PCDH11X: variants seen among roughly 807,000 people sequenced by gnomAD.
PCDH11X encodes the protein protocadherin-11 X-linked.
PCDH11X carries 18 observed loss-of-function variants against 53.3 expected under a neutral mutation model. The ratio of observed to expected loss-of-function variants is 0.34; its 90% confidence interval spans 0.23 to 0.50. The LOEUF is 0.50. Among genes scored for constraint, PCDH11X ranks in the 20% least tolerant of loss-of-function variants. The pLI, the probability that PCDH11X is intolerant of heterozygous loss-of-function variation, is 0.98. For missense variants in PCDH11X, 570 were observed against 1,032.4 expected (o/e 0.55, Z 6.14); for synonymous variants, 279 against 393.3 (o/e 0.71, Z 3.44).
At chrX:92,353,605 G>A (rs2755405) in intron 8 of PCDH11X, among the ~76,000 whole-genome samples, 57 of 110,520 alleles carry the variant, frequency 5.2e-4, no homozygotes, top group African/African-American at 7.9e-4. Flanking sequence ...AATGCATGAC[G>A]TCTTTTAATT....
chrX:92,452,450 G>C (rs767387539), intron 9 of PCDH11X, among the ~76,000 whole-genome samples: 14 of 58,505 alleles, frequency 2.4e-4, no homozygotes, highest in African/African-American at 8.5e-4. Flanking sequence ...GTATAATATA[G>C]ATGTGTGTGT....
In PCDH11X at chrX:92,506,010, T is replaced by C. The variant is rs147535059; in HGVS notation, c.3367+37688T>C. Among the ~76,000 whole-genome samples, 485 of 110,638 alleles carry C rather than the reference T, an allele frequency of 4.4e-3. 3 individuals are homozygous for C. Among genetic ancestry groups the C allele is most frequent in the African/African-American group, 0.015 (463 of 30,420 alleles). ...ATGCTACTTATTTTTGTACACTGAT[T>C]TTGTGTCCTGAAACTTTGCTGAAGA... On this transcript the variant is annotated intron_variant, in intron 10 of 10. Coordinates refer to ENST00000682573, the MANE Select transcript of PCDH11X (RefSeq NM_032968.5).
At chrX:92,209,023 G>A (rs972061906) in intron 7 of PCDH11X, among the ~76,000 whole-genome samples, 11 of 110,670 alleles carry the variant, frequency 9.9e-5, no homozygotes, top group Admixed American at 8.7e-4. Flanking sequence ...AACAGCAAGG[G>A]GGAAGTCTGT....
intron 10 of PCDH11X, among the ~76,000 whole-genome samples, chrX:92,567,144 C>T (rs113794374): frequency 0.37 from 34,535 of 93,972 alleles, 6,745 homozygotes; most frequent in Admixed American, 0.4. Flanking sequence ...AAGATAGTTT[C>T]ATTTTTAATT....
chrX:92,010,968 C>T (rs1205785167), intron 6 of PCDH11X, among the ~76,000 whole-genome samples: 2 of 111,093 alleles, frequency 1.8e-5, no homozygotes, highest in African/African-American at 6.5e-5. Flanking sequence ...TAAGTGAGAA[C>T]ATGAGATATT....
At chrX:92,227,403 A>G (rs183828062) in intron 7 of PCDH11X, among the ~76,000 whole-genome samples, 143 of 111,607 alleles carry the variant, frequency 1.3e-3, no homozygotes, top group African/African-American at 4.5e-3. Context: ...TTTTAGAAAT[A>G]TATTTTCTGA....
At chrX:91,953,931 A>G (rs2061676096) in intron 6 of PCDH11X, among the ~76,000 whole-genome samples, 1 of 110,469 alleles carries the variant, frequency 9.1e-6, no homozygotes, top group Non-Finnish European at 1.9e-5. Flanking sequence ...TATGAACATT[A>G]GTTCACAATC....
intron 6 of PCDH11X, among the ~76,000 whole-genome samples, chrX:92,142,284 G>C (rs1174974425): frequency 1.8e-5 from 2 of 109,203 alleles, no homozygotes; most frequent in Non-Finnish European, 3.8e-5. Context: ...AGCCTCCCTA[G>C]TAGCTGGGAT....
At chrX:92,564,270 C>A (rs1319397174) in intron 10 of PCDH11X, among the ~76,000 whole-genome samples, 1 of 106,377 alleles carries the variant, frequency 9.4e-6, no homozygotes, top group Non-Finnish European at 1.9e-5. Context: ...AGAAAACAAT[C>A]CTAAAATGTA....
intron 6 of PCDH11X, among the ~76,000 whole-genome samples, chrX:92,090,202 A>G (rs1009111852): frequency 1.8e-5 from 2 of 111,813 alleles, no homozygotes; most frequent in African/African-American, 6.5e-5. Context: ...AAATGTCAAG[A>G]TACACTATTG....
intron 10 of PCDH11X, chrX:92,515,594 A>AGTCC (rs1478231872): frequency 8.2e-6 from 1 of 121,578 alleles, no homozygotes; most frequent in Non-Finnish European, 1.7e-5. Context: ...ACGCATTACC[A>AGTCC]GTCGTCCAAC....
chrX:92,365,339 C>G (rs1229590065), intron 8 of PCDH11X, among the ~76,000 whole-genome samples: 1 of 108,809 alleles, frequency 9.2e-6, no homozygotes, highest in Non-Finnish European at 1.9e-5. Context: ...ATGTACTGTA[C>G]ATAATTGTAT....
intron 10 of PCDH11X, among the ~76,000 whole-genome samples, chrX:92,573,652 A>G (rs187715183): frequency 1.1e-3 from 123 of 110,629 alleles, no homozygotes; most frequent in African/African-American, 3.9e-3. Flanking sequence ...ATAAATACCC[A>G]TTTTGTCTTT....
chrX:92,148,121 TCTTTCTTTC>T, intron 6 of PCDH11X, among the ~76,000 whole-genome samples: 1 of 13,795 alleles, frequency 7.2e-5, no homozygotes, highest in African/African-American at 3.0e-4. Flanking sequence ...TTTCTTTCTT[TCTTTCTTTC>T]TTTTTCCTTC....
intron 8 of PCDH11X, among the ~76,000 whole-genome samples, chrX:92,284,919 T>C (rs1287979169): frequency 9.0e-6 from 1 of 111,116 alleles, no homozygotes; most frequent in Non-Finnish European, 1.9e-5. Context: ...ATACGCCAAA[T>C]TGCTTAGAAA....
At position 92,356,011 on chromosome X, in the gene PCDH11X, A is replaced by G. The variant is rs180806062; in HGVS notation, c.3145-31724A>G. On this transcript the variant is annotated intron_variant, in intron 8 of 10. Transcript: ENST00000682573. ...TACTTCAGCTGAACAAGTCGTGTAT[A>G]TATAGAGTGAATAGATCACCAGAAG... Among the ~76,000 whole-genome samples, 331 of 111,845 alleles carry G rather than the reference A, an allele frequency of 3.0e-3. 2 individuals carry two copies. Among genetic ancestry groups the G allele is most frequent in the Middle Eastern group, 9.4e-3 (2 of 212 alleles).
intron 8 of PCDH11X, among the ~76,000 whole-genome samples, chrX:92,352,143 T>C (rs1221439228): frequency 1.5e-4 from 17 of 111,757 alleles, no homozygotes; most frequent in Non-Finnish European, 2.8e-4. Context: ...ATATTTATAC[T>C]CCATCTACTG....
chrX:92,173,149 G>T (rs750826313), intron 6 of PCDH11X, among the ~76,000 whole-genome samples: 4 of 111,413 alleles, frequency 3.6e-5, no homozygotes, highest in Non-Finnish European at 5.7e-5. Flanking sequence ...TTCTTTTCAG[G>T]AGTCTTAAAC....
intron 6 of PCDH11X, among the ~76,000 whole-genome samples, chrX:91,904,062 C>T (rs183231304): frequency 5.5e-5 from 6 of 109,447 alleles, no homozygotes; most frequent in Admixed American, 4.9e-4. Context: ...AGATGTTTTA[C>T]ATGTAAAGAT....
Sources: gnomAD v4.1 joint callset for allele counts (sites outside exome capture counted in the v4.1 genomes callset) on GRCh38, gnomAD v4.1.1 for gene constraint, MANE v1.5 for transcripts, NCBI Gene and HGNC (gene_info 2026-07-23, HGNC 2026-07-21) for gene names.